Variants in NTRK2 observed in about 807,000 individuals in gnomAD.
NTRK2 encodes the protein neurotrophic receptor tyrosine kinase 2.
NTRK2 carries 13 observed loss-of-function variants against 94.5 expected under a neutral mutation model. The ratio of observed to expected loss-of-function variants is 0.14; its 90% CI spans 0.09 to 0.22. NTRK2 has a LOEUF of 0.22. Ranked by LOEUF, NTRK2 falls within the 10% of genes least tolerant of loss-of-function variation. The probability of loss-of-function intolerance (pLI) is 1.00; values close to 1 mark genes in which losing one functional copy is unlikely to be tolerated. For synonymous variants in NTRK2, 372 were observed against 407.4 expected, an observed-to-expected ratio of 0.91 and a Z score of 1.05; for missense variants, 639 against 1,071.2, an observed-to-expected ratio of 0.60 and a Z score of 5.63.
intron 17 of NTRK2, among the ~76,000 whole-genome samples, chr9:84,979,394 G>A (rs572418614): frequency 5.3e-5 from 8 of 152,162 alleles, no homozygotes; most frequent in African/African-American, 7.2e-5. Context: ...CAGAAGTGGT[G>A]GAAATAGCAA....
chr9:84,984,889 G>A (rs971204256), intron 17 of NTRK2, among the ~76,000 whole-genome samples: 4 of 152,284 alleles, frequency 2.6e-5, no homozygotes, highest in African/African-American at 9.6e-5. Context: ...GGTTGTTGTG[G>A]AGATCAAATG....
In NTRK2 at chr9:84,955,284, G is replaced by T; in HGVS notation, c.1939G>T (p.Ala647Ser). The T allele has an allele frequency of 6.3e-7, 1 of 1,596,532 alleles. No homozygotes were observed. The highest frequency in any genetic ancestry group is 8.5e-7 in the Non-Finnish European group (1 of 1,171,248). The change falls in exon 17 of 19, where the codon GCA becomes TCA. Residue 647 changes from alanine (A) to serine (S), a missense_variant and splice_region_variant. Around this residue, in one of 5 missense-constraint regions of NTRK2, gnomAD observed 343 missense variants for 571.5 expected, o/e 0.60. Coordinates refer to ENST00000277120, the MANE Select transcript of NTRK2 (RefSeq NM_006180.6). ...KHGDLNKFLR[A>S]HGPDAVLMAE... ...TTCATTCTCCATGTCCTTCCCCAGG[G>T]CACACGGCCCTGATGCCGTGCTGAT...
chr9:84,821,464 T>C (rs1233836947), intron 12 of NTRK2, among the ~76,000 whole-genome samples: 1 of 152,212 alleles, frequency 6.6e-6, no homozygotes, highest in African/African-American at 2.4e-5. Context: ...GCTGTAACAC[T>C]CCCAGCTCTT....
chr9:84,844,474 G>T (rs1461544211), intron 12 of NTRK2, among the ~76,000 whole-genome samples: 4 of 152,070 alleles, frequency 2.6e-5, no homozygotes, highest in Non-Finnish European at 5.9e-5. Flanking sequence ...TTCTTCTCTT[G>T]TTATATTTGC....
chr9:84,940,584 A>G (rs1156564175), intron 15 of NTRK2, among the ~76,000 whole-genome samples: 1 of 152,188 alleles, frequency 6.6e-6, no homozygotes, highest in Non-Finnish European at 1.5e-5. Context: ...CAGGACACCT[A>G]CCTTCCATCC....
At chr9:84,948,095 T>C (rs2078660997) in intron 15 of NTRK2, among the ~76,000 whole-genome samples, 1 of 152,064 alleles carries the variant, frequency 6.6e-6, no homozygotes. Flanking sequence ...TAACATAAAG[T>C]TTTTAAATCT....
At chr9:84,898,803 A>G (rs1290634935) in intron 14 of NTRK2, among the ~76,000 whole-genome samples, 3 of 151,984 alleles carry the variant, frequency 2.0e-5, no homozygotes, top group Non-Finnish European at 4.4e-5. Flanking sequence ...CCTGGCTTCA[A>G]GTGATTCTCC....
chr9:84,678,252 T>C (rs2059179159), intron 2 of NTRK2, among the ~76,000 whole-genome samples: 1 of 152,234 alleles, frequency 6.6e-6, no homozygotes, highest in Non-Finnish European at 1.5e-5. Flanking sequence ...AGGATCTGGT[T>C]GGGCTGTCTT....
intron 12 of NTRK2, among the ~76,000 whole-genome samples, chr9:84,809,714 G>T (rs543515888): frequency 2.7e-5 from 4 of 150,916 alleles, no homozygotes; most frequent in Admixed American, 2.6e-4. Context: ...AAACCCTGCC[G>T]CTACTAAAAA....
chr9:84,962,434 C>T (rs1266054529), intron 17 of NTRK2, among the ~76,000 whole-genome samples: 4 of 152,192 alleles, frequency 2.6e-5, no homozygotes, highest in Non-Finnish European at 5.9e-5. Context: ...TGGTCCCATC[C>T]TTCACCCAAC....
intron 12 of NTRK2, among the ~76,000 whole-genome samples, chr9:84,786,761 G>C (rs1262829545): frequency 2.0e-5 from 3 of 152,224 alleles, no homozygotes; most frequent in African/African-American, 7.2e-5. Context: ...ACGTGTGTGT[G>C]CTTGCAAACT....
Position 84,867,547 on chromosome 9 carries a change from T to C in NTRK2, c.1633+116T>C, listed in dbSNP as rs2075650965. 7 of 900,520 alleles carry C rather than the reference T, an allele frequency of 7.8e-6. No individual in the cohort carries two copies. In the Admixed American group the frequency reaches 8.6e-5, roughly 11 times the overall value. 55.8% of individuals were successfully genotyped at this position (900,520 alleles called of 1,614,324 possible). On this transcript the variant is annotated intron_variant, in intron 14 of 18. Transcript: ENST00000277120. ...CGGGGAACAGGGTGCAGTGAAATGT[T>C]TGAGGATTCTTGCAGCTTTTGGCCC... is the stretch of plus-strand genomic sequence containing the variant.
At position 85,025,247 on chromosome 9, in the gene NTRK2, A is replaced by C; in HGVS notation, c.*3810A>C. 1 of 233,222 alleles carries C rather than the reference A, an allele frequency of 4.3e-6. No homozygotes were observed. The highest frequency in any genetic ancestry group is 2.2e-5 in the African/African-American group (1 of 45,462). The allele number at this position is 233,222 out of a possible 1,614,324, so 14.4% of individuals were successfully genotyped here. A position where few individuals can be genotyped will look rare whatever the true frequency, so the allele number is the denominator to read the frequency against. ...TGCTTTCTCTGGCTCCTTGCAAAGAAAGATACTTTTTGTAATGGTCCAGGA... is the reference window on the plus strand; with the variant it reads ...TGCTTTCTCTGGCTCCTTGCAAAGACAGATACTTTTTGTAATGGTCCAGGA... On this transcript the variant is annotated 3_prime_UTR_variant, in exon 19 of 19. Coordinates refer to ENST00000277120, the MANE Select transcript of NTRK2 (RefSeq NM_006180.6).
rs1372708906 is a variant in NTRK2 at position 84,741,932 on chromosome 9, C to G, written c.1195+5C>G. 6.2e-7 allele frequency: 1 copy of G among 1,609,934 alleles called. No homozygotes were observed. Among genetic ancestry groups the G allele is most frequent in the Non-Finnish European group, 8.5e-7 (1 of 1,177,312 alleles). ...ATCCTGATGTAATTTATGAAGGTAG[C>G]TATCGTGTTTTCTACTTTGTATTTC... On this transcript the variant is annotated splice_donor_5th_base_variant and intron_variant, in intron 10 of 18. Transcript: ENST00000277120.
chr9:84,833,310 G>T (rs978657491), intron 12 of NTRK2, among the ~76,000 whole-genome samples: 2 of 152,074 alleles, frequency 1.3e-5, no homozygotes, highest in Non-Finnish European at 2.9e-5. Context: ...AGAATATCTG[G>T]GCATGGGGTC....
At chr9:84,709,959 C>CTGTGTGTGTGTG (rs1491578776) in intron 5 of NTRK2, among the ~76,000 whole-genome samples, 69 of 116,482 alleles carry the variant, frequency 5.9e-4, no homozygotes, top group African/African-American at 1.9e-3. Context: ...GAATAGCTTG[C>CTGTGTGTGTGTG]TCTGTGTGTG....
intron 12 of NTRK2, among the ~76,000 whole-genome samples, chr9:84,844,238 A>C (rs2074344095): frequency 6.6e-6 from 1 of 152,164 alleles, no homozygotes; most frequent in Non-Finnish European, 1.5e-5. Context: ...AATAGGCCAT[A>C]GCTGCAGCTG....
At position 84,948,446 on chromosome 9, in the gene NTRK2, T is replaced by C; in HGVS notation, c.1765-16T>C. ...GCCCACTGAAGTAATCCTTCTCTTT[T>C]AACACCCATCCCCAGACCCTGAAGG... is the stretch of plus-strand genomic sequence containing the variant. On this transcript the variant is annotated splice_polypyrimidine_tract_variant and intron_variant, in intron 15 of 18. Transcript: ENST00000277120. The C allele has an allele frequency of 6.2e-7, 1 of 1,613,850 alleles. No individual in the cohort carries two copies. Among genetic ancestry groups the C allele is most frequent in the South Asian group, 1.1e-5 (1 of 91,044 alleles).
intron 14 of NTRK2, among the ~76,000 whole-genome samples, chr9:84,916,758 ATCTT>A (rs1382358479): frequency 6.6e-6 from 1 of 152,196 alleles, no homozygotes; most frequent in African/African-American, 2.4e-5. Flanking sequence ...AGAAAAAAAA[ATCTT>A]TCTTTGCATA....
Sources: allele counts gnomAD v4.1 joint callset (sites outside exome capture counted in the v4.1 genomes callset), GRCh38; gene constraint gnomAD v4.1.1; regional missense constraint gnomAD v4.1.1; transcripts MANE v1.5; gene names NCBI Gene and HGNC (gene_info 2026-07-23, HGNC 2026-07-21).